Variants in SLCO3A1 observed in about 807,000 individuals in gnomAD.
SLCO3A1 encodes the protein solute carrier organic anion transporter family member 3A1, also known as PGE1 transporter.
Under a neutral mutation model 63.1 loss-of-function variants are expected in SLCO3A1, and 27 were observed. The ratio of observed to expected loss-of-function variants is 0.43; its 90% CI spans 0.32 to 0.59. The LOEUF is 0.59. Among genes scored for constraint, SLCO3A1 ranks in the 20% least tolerant of loss-of-function variants. SLCO3A1 has a pLI of 0.09. For synonymous variants in SLCO3A1, 473 were observed against 409.9 expected, an observed-to-expected ratio of 1.15 and a Z score of -1.86; for missense variants, 773 against 945.8, an observed-to-expected ratio of 0.82 and a Z score of 2.40.
chr15:92,003,670 G>T (rs1458088887), intron 2 of SLCO3A1, among the ~76,000 whole-genome samples: 1 of 152,214 alleles, frequency 6.6e-6, no homozygotes, highest in African/African-American at 2.4e-5. Context: ...GACATGCAGT[G>T]GTTGTCCTGT....
chr15:92,140,675 C>T (rs998216713), intron 7 of SLCO3A1, among the ~76,000 whole-genome samples: 3 of 152,132 alleles, frequency 2.0e-5, no homozygotes, highest in African/African-American at 7.2e-5. Context: ...GTATTGGGTG[C>T]ATATATATTT....
Position 91,955,561 on chromosome 15 carries a change from G to A in SLCO3A1, c.646+39103G>A, listed in dbSNP as rs573965790. ...TTGGCCAGGCTGGTCTTGAACTCCT[G>A]ACCTCAGGTAATCCACCGCCTCAGC... On this transcript the variant is annotated intron_variant, in intron 2 of 9. Transcript: ENST00000318445. Among the ~76,000 whole-genome samples the A allele has an allele frequency of 6.6e-5, 10 of 152,222 alleles. No individual in the cohort carries two copies. The South Asian group carries it at 2.1e-3, about 32-fold the overall frequency.
chr15:92,161,464 G>A (rs538964919), intron 9 of SLCO3A1: 22 of 152,276 alleles, frequency 1.4e-4, no homozygotes, highest in Middle Eastern at 3.4e-3. Context: ...GAAGGGGAAC[G>A]GTTTTCATCT....
intron 1 of SLCO3A1, among the ~76,000 whole-genome samples, chr15:91,873,162 A>T (rs1252346071): frequency 6.6e-6 from 1 of 152,254 alleles, no homozygotes; most frequent in Non-Finnish European, 1.5e-5. Context: ...GCAAAATTAC[A>T]TTTACCTTAT....
intron 5 of SLCO3A1, among the ~76,000 whole-genome samples, chr15:92,124,642 C>CAGAG (rs201300846): frequency 1.3e-5 from 2 of 149,232 alleles, no homozygotes; most frequent in Admixed American, 6.7e-5. Context: ...TGTATCCTAG[C>CAGAG]AGAGAGAGAG....
At chr15:91,930,574 G>A (rs929270493) in intron 2 of SLCO3A1, among the ~76,000 whole-genome samples, 1 of 152,166 alleles carries the variant, frequency 6.6e-6, no homozygotes, top group Admixed American at 6.5e-5. Context: ...TTTAACAGAG[G>A]TGTTAAATTT....
At chr15:92,016,358 T>G (rs904964940) in intron 2 of SLCO3A1, among the ~76,000 whole-genome samples, 1 of 152,094 alleles carries the variant, frequency 6.6e-6, no homozygotes, top group African/African-American at 2.4e-5. Context: ...AGAGATGAGA[T>G]CTCACTGTGT....
Position 92,154,173 on chromosome 15 carries a change from G to A in SLCO3A1, c.1753+3159G>A, listed in dbSNP as rs578234437. 3.5e-4 allele frequency among the ~76,000 whole-genome samples: 54 copies of A among 152,328 alleles called. No homozygotes were observed. The South Asian group carries it at 6.8e-3, about 19-fold the overall frequency. ...CTCGCAGGATGGGGAGAGGGGTAGG[G>A]TTGAGAAATAAAAGGAGGAATCTGC... is the stretch of plus-strand genomic sequence containing the variant. On this transcript the variant is annotated intron_variant, in intron 9 of 9. Coordinates refer to ENST00000318445, the MANE Select transcript of SLCO3A1 (RefSeq NM_013272.4).
At chr15:92,013,009 C>T (rs920472074) in intron 2 of SLCO3A1, among the ~76,000 whole-genome samples, 83 of 152,286 alleles carry the variant, frequency 5.5e-4, no homozygotes, top group African/African-American at 1.9e-3. Flanking sequence ...CACGGTCCTC[C>T]AGGGAAAATA....
chr15:91,881,049 G>C (rs2151345651), intron 1 of SLCO3A1, among the ~76,000 whole-genome samples: 1 of 152,330 alleles, frequency 6.6e-6, no homozygotes, highest in African/African-American at 2.4e-5. Context: ...TGGAGGCTCT[G>C]TGTGCCCTGA....
intron 2 of SLCO3A1, among the ~76,000 whole-genome samples, chr15:91,962,264 G>A (rs988780858): frequency 6.6e-6 from 1 of 152,130 alleles, no homozygotes; most frequent in African/African-American, 2.4e-5. Flanking sequence ...TGGATCACCT[G>A]AGGTCGGGAG....
intron 2 of SLCO3A1, among the ~76,000 whole-genome samples, chr15:92,084,875 C>T (rs1002271337): frequency 1.3e-5 from 2 of 152,242 alleles, no homozygotes; most frequent in African/African-American, 4.8e-5. Flanking sequence ...GATAGTATCT[C>T]TTCCAAGAGC....
chr15:92,038,674 T>A (rs1479704739), intron 2 of SLCO3A1, among the ~76,000 whole-genome samples: 1 of 152,180 alleles, frequency 6.6e-6, no homozygotes, highest in African/African-American at 2.4e-5. Flanking sequence ...ATGGCCATAC[T>A]GCCCAAAGTA....
intron 2 of SLCO3A1, among the ~76,000 whole-genome samples, chr15:91,991,624 T>C (rs1182783186): frequency 6.6e-6 from 1 of 152,256 alleles, no homozygotes; most frequent in African/African-American, 2.4e-5. Context: ...TTAATATTTT[T>C]AATTTAGTCA....
intron 2 of SLCO3A1, among the ~76,000 whole-genome samples, chr15:91,934,278 C>A (rs764274570): frequency 6.6e-6 from 1 of 152,086 alleles, no homozygotes; most frequent in Non-Finnish European, 1.5e-5. Flanking sequence ...AGTAAGCAAG[C>A]CTACCCTTTG....
At chr15:92,143,400 A>ATAT (rs2048164770) in intron 7 of SLCO3A1, among the ~76,000 whole-genome samples, 1 of 2,206 alleles carries the variant, frequency 4.5e-4, no homozygotes, top group African/African-American at 3.4e-3. Context: ...ATATTATATA[A>ATAT]TATATATAAT....
intron 9 of SLCO3A1, among the ~76,000 whole-genome samples, chr15:92,159,370 A>G (rs2048408894): frequency 6.6e-6 from 1 of 152,054 alleles, no homozygotes; most frequent in Admixed American, 6.5e-5. Context: ...CTGTAGTCCC[A>G]GCTACTTGGG....
chr15:92,008,607 C>T (rs1326136574), intron 2 of SLCO3A1, among the ~76,000 whole-genome samples: 2 of 152,160 alleles, frequency 1.3e-5, no homozygotes, highest in African/African-American at 2.4e-5. Context: ...GGGGAGTCAA[C>T]ATTGACACTG....
At chr15:91,893,064 C>T (rs1897912077) in intron 1 of SLCO3A1, among the ~76,000 whole-genome samples, 4 of 152,190 alleles carry the variant, frequency 2.6e-5, no homozygotes, top group Non-Finnish European at 4.4e-5. Flanking sequence ...AGAATAATTT[C>T]TAGAACTCAA....
Sources: allele counts gnomAD v4.1 joint callset (sites outside exome capture counted in the v4.1 genomes callset), GRCh38; gene constraint gnomAD v4.1.1; transcripts MANE v1.5; gene names NCBI Gene and HGNC (gene_info 2026-07-23, HGNC 2026-07-21).